The following DAAM1 variants were observed in gnomAD, a reference collection of about 807,000 sequenced individuals.
DAAM1 encodes the protein disheveled-associated activator of morphogenesis 1.
DAAM1 carries 52 observed loss-of-function variants against 130.0 expected under a neutral mutation model. That is an observed-to-expected ratio of 0.40 (90% CI 0.32 to 0.50). DAAM1 has a LOEUF of 0.50. Among genes scored for constraint, DAAM1 ranks in the 20% least tolerant of loss-of-function variants. The pLI, the probability that DAAM1 is intolerant of heterozygous loss-of-function variation, is 0.61. For missense variants in DAAM1, 1,134 were observed against 1,303.8 expected (o/e 0.87, Z 2.01); for synonymous variants, 452 against 444.5 (o/e 1.02, Z -0.21).
chr14:59,330,478 T>C (rs374430806), intron 12 of DAAM1, 23 bp from the exon 13 acceptor site: 6 of 1,552,528 alleles, frequency 3.9e-6, no homozygotes, highest in African/African-American at 1.4e-5. Context: ...CCTGTTTTCA[T>C]GTCCAATTGT....
In DAAM1 at chr14:59,347,528, T is replaced by A. The variant is rs1425594823; in HGVS notation, c.2076-11T>A. 2 of 1,611,650 alleles carry A rather than the reference T, an allele frequency of 1.2e-6. No individual in the cohort carries two copies. The highest frequency in any genetic ancestry group is 2.7e-5 in the African/African-American group (2 of 74,808). ...ACCAATATGGTTAATAACAAAATATTCTTTCTCCAGGTTGAAATTATCCAA... is the reference window on the plus strand; with the variant it reads ...ACCAATATGGTTAATAACAAAATATACTTTCTCCAGGTTGAAATTATCCAA... On this transcript the variant is annotated splice_polypyrimidine_tract_variant and intron_variant, in intron 16 of 24. Transcript: ENST00000360909.
chr14:59,252,131 C>T (rs1392548118), intron 1 of DAAM1, among the ~76,000 whole-genome samples: 1 of 152,116 alleles, frequency 6.6e-6, no homozygotes, highest in Non-Finnish European at 1.5e-5. Context: ...TGGCAGTGTC[C>T]ACATGTGTTC....
intron 20 of DAAM1, among the ~76,000 whole-genome samples, chr14:59,358,158 C>T (rs899227812): frequency 2.0e-5 from 3 of 152,204 alleles, no homozygotes; most frequent in African/African-American, 7.2e-5. Flanking sequence ...AAAGAATGCC[C>T]ATGCCTGACT....
intron 3 of DAAM1, among the ~76,000 whole-genome samples, chr14:59,297,603 T>A (rs1056938916): frequency 2.6e-5 from 4 of 152,120 alleles, no homozygotes; most frequent in African/African-American, 9.7e-5. Context: ...TCTCCTCCCC[T>A]CCCTCCGTGG....
chr14:59,266,485 G>A lies in DAAM1; in HGVS notation c.183+2825G>A, dbSNP rs368337999. Among the ~76,000 whole-genome samples the A allele has an allele frequency of 3.9e-5, 6 of 152,356 alleles. No homozygotes were observed. In the East Asian group the frequency reaches 1.2e-3, roughly 29 times the overall value. On this transcript the variant is annotated intron_variant, in intron 2 of 24. Coordinates refer to ENST00000360909, the MANE Select transcript of DAAM1 (RefSeq NM_001270520.2). ...TAAGGGAGAAAATTCCACTCTCTCT[G>A]CCTTATTGATGTCTCCATTCTGTGT...
rs575747318 is a variant in DAAM1 at position 59,198,076 on chromosome 14, T to C, written c.-38+9308T>C. Among the ~76,000 whole-genome samples the C allele has an allele frequency of 1.2e-3, 176 of 152,316 alleles. 2 individuals carry two copies. Among genetic ancestry groups the C allele is most frequent in the African/African-American group, 3.9e-3 (163 of 41,558 alleles). The stretch of plus-strand genomic sequence containing the variant: ...CATTTGTTTCCCTCTGGATGGCCTT[T>C]GTTTATGCTGTCTCTTCAGGCCAGG... On this transcript the variant is annotated intron_variant, in intron 1 of 24. Transcript: ENST00000360909.
chr14:59,196,686 T>C (rs892529890), intron 1 of DAAM1, among the ~76,000 whole-genome samples: 2 of 151,740 alleles, frequency 1.3e-5, no homozygotes, highest in Admixed American at 6.6e-5. Context: ...GAGCTTGCAG[T>C]GAGCTGAGAT....
rs891989534 is a variant in DAAM1 at position 59,322,875 on chromosome 14, A to C, written c.441-17A>C. The C allele has an allele frequency of 2.5e-6, 4 of 1,591,490 alleles. No homozygotes were observed. Among genetic ancestry groups the C allele is most frequent in the Non-Finnish European group, 2.6e-6 (3 of 1,165,542 alleles). The stretch of plus-strand genomic sequence containing the variant: ...ACCCAAAGGCACTTAAGCATGGTGC[A>C]TTTCTCTTCATGACAGGTTTGTAAC... On this transcript the variant is annotated splice_polypyrimidine_tract_variant and intron_variant, in intron 5 of 24. Coordinates refer to ENST00000360909, the MANE Select transcript of DAAM1 (RefSeq NM_001270520.2).
At position 59,323,053 on chromosome 14, in the gene DAAM1, A is replaced by G; in HGVS notation, c.602A>G (p.His201Arg). Residue 201 changes from histidine (H) to arginine (R), a missense_variant, in exon 6 of 25, where the codon CAT (histidine) becomes CGT (arginine). Coordinates refer to ENST00000360909, the MANE Select transcript of DAAM1 (RefSeq NM_001270520.2). ...NSQGRAHVLA[H>R]SESINVIAQS... is the part of the protein sequence containing the mutation. ...CAAGGCCGGGCTCACGTCCTGGCTC[A>G]TTCTGAGAGTATTAATGTAATTGCT... 1 of 1,614,110 alleles carries G rather than the reference A, an allele frequency of 6.2e-7. No homozygotes were observed. Among genetic ancestry groups the G allele is most frequent in the African/African-American group, 1.3e-5 (1 of 75,050 alleles).
chr14:59,329,585 A>C (rs1417869923), intron 12 of DAAM1, among the ~76,000 whole-genome samples: 1 of 152,238 alleles, frequency 6.6e-6, no homozygotes, highest in Admixed American at 6.5e-5. Context: ...TTATACCTCT[A>C]GTGGATTTAT....
chr14:59,198,252 C>T (rs1887974846), intron 1 of DAAM1, among the ~76,000 whole-genome samples: 1 of 146,584 alleles, frequency 6.8e-6, no homozygotes, highest in Admixed American at 6.9e-5. Context: ...GTTGCCCAGG[C>T]TGGAGTACAG....
In DAAM1 at chr14:59,299,091, G is replaced by C. The variant is rs369402156; in HGVS notation, c.273+7785G>C. Among the ~76,000 whole-genome samples, 23 of 152,304 alleles carry C rather than the reference G, an allele frequency of 1.5e-4. 1 individual carries two copies. The highest frequency in any genetic ancestry group is 8.5e-4 in the Admixed American group (13 of 15,294). On this transcript the variant is annotated intron_variant, in intron 3 of 24. Coordinates refer to ENST00000360909, the MANE Select transcript of DAAM1 (RefSeq NM_001270520.2). ...GGGTATAACATTCTGGTTCTGTAGA[G>C]TCCTCCTTAGGGATGGATCTTCTCC...
Position 59,212,825 on chromosome 14 carries a change from T to A in DAAM1, c.-38+24057T>A, listed in dbSNP as rs970433182. Among the ~76,000 whole-genome samples, 12 of 152,366 alleles carry A rather than the reference T, an allele frequency of 7.9e-5. No individual in the cohort carries two copies. The South Asian group carries it at 1.4e-3, about 18-fold the overall frequency. On this transcript the variant is annotated intron_variant, in intron 1 of 24. Transcript: ENST00000360909. ...AATATTGTTTATTTCTCTGTCGCAG[T>A]GGCTCCCAATCTTTTAGAATGTTCC...
At chr14:59,361,544 A>T (rs905795311) in intron 22 of DAAM1, among the ~76,000 whole-genome samples, 1 of 152,162 alleles carries the variant, frequency 6.6e-6, no homozygotes, top group African/African-American at 2.4e-5. Flanking sequence ...GGGTAGGGTA[A>T]ACTTAGGTGC....
At position 59,356,209 on chromosome 14, in the gene DAAM1, C is replaced by T. The variant is rs567260918; in HGVS notation, c.2525+876C>T. ...CTTTTTAGAAATATGGGCTGTTCACCCTAATTATTTCTAACTAATAGGGGC... is the reference window on the plus strand; with the variant it reads ...CTTTTTAGAAATATGGGCTGTTCACTCTAATTATTTCTAACTAATAGGGGC... On this transcript the variant is annotated intron_variant, in intron 20 of 24. Coordinates refer to ENST00000360909, the MANE Select transcript of DAAM1 (RefSeq NM_001270520.2). 2.0e-5 allele frequency among the ~76,000 whole-genome samples: 3 copies of T among 152,208 alleles called. No individual in the cohort carries two copies. In the South Asian group the frequency reaches 6.2e-4, roughly 32 times the overall value.
At chr14:59,275,962 T>C (rs906065731) in intron 2 of DAAM1, among the ~76,000 whole-genome samples, 6 of 152,184 alleles carry the variant, frequency 3.9e-5, no homozygotes, top group Admixed American at 3.3e-4. Context: ...CCAAGGTTTG[T>C]TCTCTGTGTT....
Position 59,323,291 on chromosome 14 carries a change from C to G in DAAM1, c.774+66C>G, listed in dbSNP as rs1299689128. On this transcript the variant is annotated intron_variant, in intron 6 of 24. Coordinates refer to ENST00000360909, the MANE Select transcript of DAAM1 (RefSeq NM_001270520.2). ...AAGTCTGCTCAAACACGTGCTTTTC[C>G]TGTCCCTGAAAGGGGAATGTTACTT... The G allele has an allele frequency of 4.1e-6, 6 of 1,454,874 alleles. No individual in the cohort carries two copies. In the African/African-American group the frequency reaches 5.7e-5, roughly 14 times the overall value. The allele number at this position is 1,454,874 out of a possible 1,614,324, so 90.1% of individuals were successfully genotyped here.
rs964859532 is a variant in DAAM1 at position 59,325,840 on chromosome 14, C to T, written c.1056+110C>T. The stretch of plus-strand genomic sequence containing the variant: ...CTTTAGGGCAACCTAAAAGCAAACT[C>T]AAAGCTCTATTTTGTTTCCTAAGTG... On this transcript the variant is annotated intron_variant, in intron 9 of 24. Coordinates refer to ENST00000360909, the MANE Select transcript of DAAM1 (RefSeq NM_001270520.2). The T allele has an allele frequency of 5.3e-6, 8 of 1,519,226 alleles. No individual in the cohort carries two copies. The African/African-American group carries it at 8.3e-5, about 16-fold the overall frequency. The allele number at this position is 1,519,226 out of a possible 1,614,324, so 94.1% of individuals were successfully genotyped here.
chr14:59,212,247 T>C (rs1361633970), intron 1 of DAAM1, among the ~76,000 whole-genome samples: 1 of 152,252 alleles, frequency 6.6e-6, no homozygotes, highest in African/African-American at 2.4e-5. Flanking sequence ...ATGCCATAAT[T>C]CATTTAGTAT....
Sources: gnomAD v4.1 joint callset for allele counts (sites outside exome capture counted in the v4.1 genomes callset) on GRCh38, gnomAD v4.1.1 for gene constraint, MANE v1.5 for transcripts, NCBI Gene and HGNC (gene_info 2026-07-23, HGNC 2026-07-21) for gene names.